The following AQR variants were observed in gnomAD, a reference collection of about 807,000 sequenced individuals.
AQR encodes aquarius intron-binding spliceosomal factor, also known as RNA helicase aquarius.
A neutral mutation model predicts 180.5 loss-of-function variants in AQR; 61 were observed. The observed-to-expected ratio is 0.34, with a 90% CI of 0.28 to 0.42. AQR has a LOEUF of 0.42. AQR is among the 10% of genes least tolerant of loss of function. AQR has a pLI of 1.00. For synonymous variants in AQR, 551 were observed against 588.8 expected, an observed-to-expected ratio of 0.94 and a Z score of 0.93; for missense variants, 1,281 against 1,798.3, an observed-to-expected ratio of 0.71 and a Z score of 5.20.
intron 27 of AQR, among the ~76,000 whole-genome samples, chr15:34,881,057 A>C (rs1302222154): frequency 6.6e-6 from 1 of 152,218 alleles, no homozygotes; most frequent in Non-Finnish European, 1.5e-5. Flanking sequence ...AAGTTTGATA[A>C]GTAGTATTCT....
intron 31 of AQR, chr15:34,870,258 T>C (rs150182510): frequency 2.6e-4 from 39 of 152,222 alleles, no homozygotes; most frequent in African/African-American, 8.9e-4. Flanking sequence ...TATCTTTATG[T>C]TTTTTCTAAT....
In AQR at chr15:34,858,955, C is replaced by T. The variant is rs146915250; in HGVS notation, c.4143+1087G>A. 5.0e-3 allele frequency among the ~76,000 whole-genome samples: 754 copies of T among 152,266 alleles called. 15 individuals are homozygous for T. In the East Asian group the frequency reaches 0.055, roughly 11 times the overall value. ...CTCAAAATGCATCATACCTAAGTATCCAACCTAAAACTCTGCAACTTCTAG... is the reference window on the plus strand; with the variant it reads ...CTCAAAATGCATCATACCTAAGTATTCAACCTAAAACTCTGCAACTTCTAG... On this transcript the variant is annotated intron_variant, in intron 34 of 34. Transcript: ENST00000156471.
intron 3 of AQR, among the ~76,000 whole-genome samples, chr15:34,959,461 C>T (rs1894383042): frequency 6.6e-6 from 1 of 152,136 alleles, no homozygotes; most frequent in Admixed American, 6.5e-5. Flanking sequence ...AGCCACCATG[C>T]CCAGCCAACC....
At chr15:34,931,157 A>C (rs1207905612) in intron 11 of AQR, among the ~76,000 whole-genome samples, 1 of 152,008 alleles carries the variant, frequency 6.6e-6, no homozygotes, top group Admixed American at 6.6e-5. Flanking sequence ...TTTAGGGAAA[A>C]ACACTAAGAT....
At position 34,852,380 on chromosome 15, in the gene AQR, C is replaced by G. The variant is rs1388185381; in HGVS notation, c.*4412G>C. Reference sequence around the variant, plus strand: ...GAGACGGGGTTTCACCATGTTGGGCCGGATGATCTCGATCTCCTGACCTCA... The same window carrying G: ...GAGACGGGGTTTCACCATGTTGGGCGGGATGATCTCGATCTCCTGACCTCA... On this transcript the variant is annotated 3_prime_UTR_variant, in exon 35 of 35. Transcript: ENST00000156471. 1 of 151,932 alleles carries G rather than the reference C, an allele frequency of 6.6e-6. No individual in the cohort carries two copies. Among genetic ancestry groups the G allele is most frequent in the African/African-American group, 2.4e-5 (1 of 41,352 alleles). The allele number at this position is 151,932 out of a possible 1,614,324, so 9.4% of individuals were successfully genotyped here.
chr15:34,857,110 ATT>A lies in AQR; in HGVS notation c.4144-6_4144-5del. 1 of 1,534,130 alleles carries A rather than the reference ATT, an allele frequency of 6.5e-7. No individual in the cohort carries two copies. Among genetic ancestry groups the A allele is most frequent in the Non-Finnish European group, 8.7e-7 (1 of 1,147,790 alleles). On this transcript the variant is annotated splice_region_variant and splice_polypyrimidine_tract_variant and intron_variant, in intron 34 of 34. Transcript: ENST00000156471. Reference sequence around the variant, plus strand: ...CAGGTGGTAGTTGTAATAAAGTCTAATTAAAAAAAAAAAAACAAAGACAATAC... The same window carrying A: ...CAGGTGGTAGTTGTAATAAAGTCTAAAAAAAAAAAAAAACAAAGACAATAC...
intron 31 of AQR, 70 bp downstream of exon 31, chr15:34,870,682 C>T (rs2140461460): frequency 7.5e-7 from 1 of 1,340,528 alleles, no homozygotes; most frequent in African/African-American, 1.5e-5. Flanking sequence ...AGAGGCAAAG[C>T]AGAACAATAT....
intron 13 of AQR, among the ~76,000 whole-genome samples, chr15:34,925,992 C>T (rs958241264): frequency 1.3e-5 from 2 of 151,528 alleles, no homozygotes; most frequent in East Asian, 1.9e-4. Flanking sequence ...ACGGTGAAAC[C>T]CCGTCTCTAC....
At chr15:34,884,212 G>T (rs2140468130) in intron 26 of AQR, among the ~76,000 whole-genome samples, 1 of 152,194 alleles carries the variant, frequency 6.6e-6, no homozygotes, top group East Asian at 1.9e-4. Flanking sequence ...TTCGAGACCA[G>T]CCTGGCCAAC....
intron 12 of AQR, 57 bp from the exon 13 acceptor site, chr15:34,927,195 T>A: frequency 1.0e-6 from 1 of 974,022 alleles, no homozygotes; most frequent in South Asian, 2.1e-5. Flanking sequence ...AATATAAACA[T>A]CTACTATTTA....
chr15:34,965,953 T>C (rs1016903920), intron 1 of AQR, among the ~76,000 whole-genome samples: 29 of 152,324 alleles, frequency 1.9e-4, no homozygotes, highest in African/African-American at 7.0e-4. Context: ...TTAGCAAACA[T>C]TTATTAAGCA....
In AQR at chr15:34,941,942, G is replaced by T. The variant is rs1252210325; in HGVS notation, c.540+70C>A. The T allele has an allele frequency of 3.3e-6, 4 of 1,223,418 alleles. No individual in the cohort carries two copies. In the East Asian group the frequency reaches 7.7e-5, roughly 24 times the overall value. 75.8% of individuals were successfully genotyped at this position (1,223,418 alleles called of 1,614,324 possible). A position where few individuals can be genotyped will look rare whatever the true frequency, so the allele number is the denominator to read the frequency against. Reference sequence around the variant, plus strand: ...CTACCACTTGTATATCCAGATTAAGGCTATAGACTAAAACCACACGTTCTA... The same window carrying T: ...CTACCACTTGTATATCCAGATTAAGTCTATAGACTAAAACCACACGTTCTA... On this transcript the variant is annotated intron_variant, in intron 7 of 34. Transcript: ENST00000156471.
intron 27 of AQR, among the ~76,000 whole-genome samples, chr15:34,879,135 C>T (rs1892930736): frequency 6.6e-6 from 1 of 152,030 alleles, no homozygotes; most frequent in Non-Finnish European, 1.5e-5. Context: ...TCTCTGGAAA[C>T]CCCCTAAAAT....
intron 16 of AQR, among the ~76,000 whole-genome samples, chr15:34,913,285 G>C (rs577842738): frequency 7.9e-5 from 12 of 152,196 alleles, no homozygotes; most frequent in Admixed American, 6.5e-4. Context: ...AAAAAGTATA[G>C]ATTTCTGGCC....
chr15:34,923,822 A>G (rs1176032907), intron 13 of AQR, among the ~76,000 whole-genome samples: 1 of 152,202 alleles, frequency 6.6e-6, no homozygotes, highest in Non-Finnish European at 1.5e-5. Flanking sequence ...TGATTACTAT[A>G]GCTTTACTGC....
chr15:34,946,886 G>C (rs934111557), intron 5 of AQR, among the ~76,000 whole-genome samples: 11 of 138,162 alleles, frequency 8.0e-5, no homozygotes, highest in African/African-American at 2.6e-4. Context: ...GGAGGGAGGT[G>C]GGGGGGGTCA....
chr15:34,918,753 T>C (rs967239873), intron 14 of AQR, among the ~76,000 whole-genome samples: 21 of 152,264 alleles, frequency 1.4e-4, no homozygotes, highest in Middle Eastern at 3.2e-3. Flanking sequence ...TTAAAAACCA[T>C]GACACTTAGC....
rs1212255849 is a variant in AQR at position 34,882,572 on chromosome 15, G to A, written c.3095C>T (p.Ala1032Val). 1.2e-6 allele frequency: 2 copies of A among 1,612,748 alleles called. No homozygotes were observed. Among genetic ancestry groups the A allele is most frequent in the Admixed American group, 3.3e-5 (2 of 59,946 alleles). Residue 1032 changes from alanine (A) to valine (V), a missense_variant, in exon 27 of 35, where the codon GCC becomes GTC. Physicochemically the swap from Ala to Val is moderately conservative, Grantham distance 64. This residue lies in a region of AQR where 125 missense variants were observed against 185.0 expected (regional missense o/e 0.68). Coordinates refer to ENST00000156471, the MANE Select transcript of AQR (RefSeq NM_014691.3). ...DRSKYLLVKE[A>V]KIIAMTCTHA... is the part of the protein sequence containing the mutation. The stretch of plus-strand genomic sequence containing the variant: ...AGTACAGGTCATAGCAATAATTTTG[G>A]CTTCTTTCACTAAAAGGTATTTAGA...
In AQR at chr15:34,940,993, A is replaced by G. The variant is rs758026639; in HGVS notation, c.547T>C (p.Leu183=). Residue 183 remains leucine, a synonymous_variant, in exon 8 of 35, where the codon TTG becomes CTG. Coordinates refer to ENST00000156471, the MANE Select transcript of AQR (RefSeq NM_014691.3). The part of the protein sequence containing the change: ...PMWMGLQLAR[L]ELELKKTPKL... Reference sequence around the variant, plus strand: ...GGTGTCTTTTTTAATTCTAATTCCAATCGTGCCTGAAGAAGAGATGTGTTA... The same window carrying G: ...GGTGTCTTTTTTAATTCTAATTCCAGTCGTGCCTGAAGAAGAGATGTGTTA... 1.9e-6 allele frequency: 3 copies of G among 1,599,848 alleles called. No homozygotes were observed. Among genetic ancestry groups the G allele is most frequent in the African/African-American group, 1.3e-5 (1 of 74,174 alleles).
Sources: allele counts gnomAD v4.1 joint callset (sites outside exome capture counted in the v4.1 genomes callset), GRCh38; gene constraint gnomAD v4.1.1; regional missense constraint gnomAD v4.1.1; transcripts MANE v1.5; gene names NCBI Gene and HGNC (gene_info 2026-07-23, HGNC 2026-07-21).